FSTL4: variants seen among roughly 807,000 people sequenced by gnomAD.
FSTL4 encodes follistatin like 4.
FSTL4 carries 28 observed loss-of-function variants against 78.2 expected under a neutral mutation model. That is an observed-to-expected ratio of 0.36 (90% confidence interval 0.27 to 0.49). FSTL4 has a LOEUF of 0.49. Ranked by LOEUF, FSTL4 falls within the 20% of genes least tolerant of loss-of-function variation. The pLI is 0.98. For synonymous variants in FSTL4, 422 were observed against 440.5 expected (o/e 0.96, Z 0.53); for missense variants, 922 against 1,084.9 (o/e 0.85, Z 2.11).
intron 4 of FSTL4, among the ~76,000 whole-genome samples, chr5:133,387,203 A>G (rs748287839): frequency 6.6e-6 from 1 of 152,040 alleles, no homozygotes; most frequent in Non-Finnish European, 1.5e-5. Flanking sequence ...CCTGACAAAT[A>G]TCTCTCCTAA....
At chr5:133,711,366 C>T in the FSTL4 span, among the ~76,000 whole-genome samples, 2 of 152,148 alleles carry the variant, frequency 1.3e-5, no homozygotes, top group Admixed American at 6.5e-5. Context: ...GCCTGCAGTA[C>T]AGAAGGAAAG....
At chr5:133,358,306 A>G (rs1333660236) in intron 4 of FSTL4, among the ~76,000 whole-genome samples, 1 of 152,132 alleles carries the variant, frequency 6.6e-6, no homozygotes, top group Non-Finnish European at 1.5e-5. Flanking sequence ...ATCTTTGGGG[A>G]GGAGGAAGCA....
At chr5:133,321,457 C>A (rs73282039) in intron 4 of FSTL4, among the ~76,000 whole-genome samples, 2 of 152,204 alleles carry the variant, frequency 1.3e-5, no homozygotes, top group Non-Finnish European at 2.9e-5. Flanking sequence ...TTTACTCCTT[C>A]GGAGGGAAGG....
At chr5:133,254,725 T>C (rs547877380) in intron 6 of FSTL4, among the ~76,000 whole-genome samples, 2 of 152,332 alleles carry the variant, frequency 1.3e-5, no homozygotes, top group South Asian at 4.1e-4. Context: ...GCCTCCACCC[T>C]GCGCCTTCTC....
the FSTL4 span, among the ~76,000 whole-genome samples, chr5:133,669,572 G>A: frequency 6.6e-6 from 1 of 152,208 alleles, no homozygotes; most frequent in Admixed American, 6.5e-5. Context: ...CCAGCCTGTG[G>A]TGTGGCTGAG....
intron 6 of FSTL4, among the ~76,000 whole-genome samples, chr5:133,302,544 C>T (rs1005688068): frequency 4.6e-5 from 7 of 152,194 alleles, no homozygotes; most frequent in Non-Finnish European, 7.3e-5. Flanking sequence ...AGGACAGATG[C>T]TCTGTTATAA....
chr5:133,236,230 T>A lies in FSTL4; in HGVS notation c.895-2693A>T, dbSNP rs976672047. Among the ~76,000 whole-genome samples, 2 of 146,954 alleles carry A rather than the reference T, an allele frequency of 1.4e-5. No individual in the cohort carries two copies. The highest frequency in any genetic ancestry group is 4.9e-5 in the African/African-American group (2 of 41,036). On this transcript the variant is annotated intron_variant, in intron 7 of 15. Transcript: ENST00000265342. The surrounding 1 kb of genome is among the most constrained non-coding windows in gnomAD (Gnocchi z 5.0). ...CCTGCCCTCATCACCACCTGTGTGG[T>A]GGTGTTTAGTCATCAGCACCACCAC...
At chr5:133,686,025 T>C in the FSTL4 span, among the ~76,000 whole-genome samples, 1 of 152,330 alleles carries the variant, frequency 6.6e-6, no homozygotes, top group Non-Finnish European at 1.5e-5. Context: ...TGCCCAGCCC[T>C]GCATCTATGA....
chr5:133,789,403 T>C, the FSTL4 span, among the ~76,000 whole-genome samples: 2 of 152,214 alleles, frequency 1.3e-5, no homozygotes. Flanking sequence ...CCAATTTTCT[T>C]CCAGCAATTC....
chr5:133,401,779 C>T (rs1386712974), intron 3 of FSTL4, among the ~76,000 whole-genome samples: 1 of 152,126 alleles, frequency 6.6e-6, no homozygotes, highest in East Asian at 1.9e-4. Flanking sequence ...AGGCTTGAGC[C>T]AAGACTCCCC....
intron 11 of FSTL4, among the ~76,000 whole-genome samples, chr5:133,223,172 A>G (rs1031544637): frequency 1.3e-5 from 2 of 152,178 alleles, no homozygotes; most frequent in African/African-American, 4.8e-5. Context: ...AGATGCTGCT[A>G]GTTCAGCAGC....
At chr5:133,820,241 A>G in the FSTL4 span, among the ~76,000 whole-genome samples, 1 of 152,068 alleles carries the variant, frequency 6.6e-6, no homozygotes, top group Admixed American at 6.5e-5. Flanking sequence ...GTCACGCTGC[A>G]TTTCTCTCCA....
chr5:133,496,574 G>A (rs1758370754), intron 3 of FSTL4, among the ~76,000 whole-genome samples: 1 of 152,160 alleles, frequency 6.6e-6, no homozygotes, highest in African/African-American at 2.4e-5. Flanking sequence ...ACCAGGAGAG[G>A]AGGCTCCTGC....
intron 3 of FSTL4, among the ~76,000 whole-genome samples, chr5:133,468,836 C>T (rs1334473187): frequency 2.0e-5 from 3 of 152,144 alleles, no homozygotes; most frequent in African/African-American, 7.2e-5. Context: ...GGCTACCCAA[C>T]CAACATGCAG....
intron 6 of FSTL4, chr5:133,266,536 G>A (rs1331258297): frequency 6.6e-6 from 1 of 152,320 alleles, no homozygotes; most frequent in East Asian, 1.9e-4. Flanking sequence ...AGAAGGTGGT[G>A]AGCCAGGAAT....
In FSTL4 at chr5:133,233,406, C is replaced by T. The variant is rs765917044; in HGVS notation, c.1015+11G>A. 32 of 1,613,884 alleles carry T rather than the reference C, an allele frequency of 2.0e-5. No homozygotes were observed. The highest frequency in any genetic ancestry group is 2.7e-5 in the Non-Finnish European group (32 of 1,179,994). ...TATGAGGGGACAACATGCATGGAGC[C>T]ATTTACTAACCATTCACCTGCAGGA... On this transcript the variant is annotated intron_variant, in intron 8 of 15. Coordinates refer to ENST00000265342, the MANE Select transcript of FSTL4 (RefSeq NM_015082.2).
At chr5:133,285,768 A>G (rs1233766017) in intron 6 of FSTL4, among the ~76,000 whole-genome samples, 2 of 152,178 alleles carry the variant, frequency 1.3e-5, no homozygotes, top group African/African-American at 2.4e-5. Context: ...TCGCTGCCCC[A>G]GCTGCACCCA....
chr5:133,616,591 G>A (rs779644000), upstream of FSTL4, among the ~76,000 whole-genome samples: 14 of 151,980 alleles, frequency 9.2e-5, no homozygotes, highest in Admixed American at 2.0e-4. Flanking sequence ...TTGTAGAGAC[G>A]GGGTCTCCCT....
At chr5:133,594,413 G>A (rs1013345216) in intron 2 of FSTL4, among the ~76,000 whole-genome samples, 24 of 152,266 alleles carry the variant, frequency 1.6e-4, no homozygotes, top group Admixed American at 1.4e-3. Context: ...GGCTGGTCTC[G>A]GACTCCTGAC....
Sources: gnomAD v4.1 joint callset for allele counts (sites outside exome capture counted in the v4.1 genomes callset) on GRCh38, gnomAD v4.1.1 for gene constraint, Gnocchi (gnomAD v3.1) non-coding constraint, MANE v1.5 for transcripts, NCBI Gene and HGNC (gene_info 2026-07-23, HGNC 2026-07-21) for gene names.